LDLRAD4: variants seen among roughly 807,000 people sequenced by gnomAD.
LDLRAD4 encodes the protein low density lipoprotein receptor class A domain containing 4.
In LDLRAD4, 5 loss-of-function variants were observed where a neutral mutation model predicts 17.0. The observed-to-expected ratio is 0.29, with a 90% CI of 0.15 to 0.62. The LOEUF (loss-of-function observed/expected upper bound fraction) is 0.62. Ranked by LOEUF, LDLRAD4 falls within the 20% of genes least tolerant of loss-of-function variation. The pLI is 0.84. For synonymous variants in LDLRAD4, 168 were observed against 171.8 expected (o/e 0.98, Z 0.17); for missense variants, 340 against 424.7 (o/e 0.80, Z 1.75).
intron 1 of LDLRAD4, among the ~76,000 whole-genome samples, chr18:13,235,537 A>C (rs2042292290): frequency 6.6e-6 from 1 of 152,236 alleles, no homozygotes; most frequent in Non-Finnish European, 1.5e-5. Context: ...CCTTGGATTT[A>C]AAATCCACAA....
At chr18:13,277,406 G>A (rs577459233), upstream of LDLRAD4, among the ~76,000 whole-genome samples, 1 of 152,214 alleles carries the variant, frequency 6.6e-6, no homozygotes, top group Admixed American at 6.5e-5. Flanking sequence ...GATACCCGGC[G>A]CTCCACCTGG....
intron 3 of LDLRAD4, among the ~76,000 whole-genome samples, chr18:13,527,587 C>T (rs1009216182): frequency 1.3e-5 from 2 of 152,238 alleles, no homozygotes; most frequent in African/African-American, 4.8e-5. Context: ...TCTGGCTTCT[C>T]ACCTTGTTCT....
chr18:13,304,101 T>G (rs2046769997), intron 1 of LDLRAD4, among the ~76,000 whole-genome samples: 1 of 152,216 alleles, frequency 6.6e-6, no homozygotes, highest in Admixed American at 6.5e-5. Flanking sequence ...GAGGCAGCCC[T>G]GCTGCTGCAG....
At chr18:13,467,308 A>G (rs1027991311) in intron 3 of LDLRAD4, among the ~76,000 whole-genome samples, 9 of 152,366 alleles carry the variant, frequency 5.9e-5, no homozygotes, top group Non-Finnish European at 8.8e-5. Flanking sequence ...ATTGCTGGGA[A>G]CAACATCAAC....
chr18:13,305,525 A>C (rs1483927741), intron 1 of LDLRAD4, among the ~76,000 whole-genome samples: 2 of 152,210 alleles, frequency 1.3e-5, no homozygotes, highest in Admixed American at 6.5e-5. Context: ...TTTTCACTGT[A>C]TTTCCTGCAA....
chr18:13,620,095 A>C (rs2040474487), intron 3 of LDLRAD4, among the ~76,000 whole-genome samples: 1 of 151,980 alleles, frequency 6.6e-6, no homozygotes, highest in Non-Finnish European at 1.5e-5. Flanking sequence ...GCAGACGCAC[A>C]CAGTCGTAGC....
chr18:13,444,067 A>G (rs942177853), intron 3 of LDLRAD4, among the ~76,000 whole-genome samples: 1 of 152,210 alleles, frequency 6.6e-6, no homozygotes, highest in Non-Finnish European at 1.5e-5. Flanking sequence ...ATAAAGAGAA[A>G]TTCCCCATCA....
intron 3 of LDLRAD4, among the ~76,000 whole-genome samples, chr18:13,534,149 G>A (rs17684779): frequency 0.1 from 15,707 of 152,176 alleles, 1,047 homozygotes; most frequent in Middle Eastern, 0.19. Flanking sequence ...GGTTTCATAG[G>A]CGATTGGTTC....
chr18:13,556,116 G>GT (rs2094480909), intron 3 of LDLRAD4, among the ~76,000 whole-genome samples: 2 of 152,168 alleles, frequency 1.3e-5, no homozygotes, highest in African/African-American at 4.8e-5. Context: ...CAGCTTCAGT[G>GT]TATGTTATTT....
intron 1 of LDLRAD4, among the ~76,000 whole-genome samples, chr18:13,363,631 T>G (rs1235902618): frequency 2.0e-5 from 3 of 152,238 alleles, no homozygotes; most frequent in African/African-American, 7.2e-5. Context: ...CTTATGACCT[T>G]GGCTTTCAGG....
At chr18:13,474,370 C>T in intron 3 of LDLRAD4, among the ~76,000 whole-genome samples, 1 of 145,572 alleles carries the variant, frequency 6.9e-6, no homozygotes, top group African/African-American at 2.4e-5. Context: ...CCTGCAAAAA[C>T]CCTGAGTCAG....
intron 4 of LDLRAD4, among the ~76,000 whole-genome samples, chr18:13,636,193 A>G (rs1208791460): frequency 1.3e-5 from 2 of 152,036 alleles, no homozygotes; most frequent in African/African-American, 4.8e-5. Flanking sequence ...CCCTCAGGGG[A>G]TTGGTTCTAG....
intron 1 of LDLRAD4, among the ~76,000 whole-genome samples, chr18:13,358,947 G>A (rs1272441529): frequency 1.3e-5 from 2 of 152,188 alleles, no homozygotes; most frequent in African/African-American, 4.8e-5. Flanking sequence ...AAAGAACTAT[G>A]GATGGAGAAA....
intron 3 of LDLRAD4, among the ~76,000 whole-genome samples, chr18:13,495,178 A>G (rs2093442180): frequency 6.6e-6 from 1 of 152,168 alleles, no homozygotes; most frequent in African/African-American, 2.4e-5. Context: ...TCCAGTGTAC[A>G]CCAGTAAATC....
At chr18:13,589,520 G>A (rs2094981516) in intron 3 of LDLRAD4, among the ~76,000 whole-genome samples, 1 of 152,186 alleles carries the variant, frequency 6.6e-6, no homozygotes, top group South Asian at 2.1e-4. Flanking sequence ...AGCCTTGCTG[G>A]TGTGTTCCTG....
chr18:13,511,480 C>G (rs746078149), intron 3 of LDLRAD4, among the ~76,000 whole-genome samples: 33 of 152,166 alleles, frequency 2.2e-4, no homozygotes, highest in Non-Finnish European at 4.3e-4. Flanking sequence ...CCACTGCACT[C>G]CAGCCTGGGT....
chr18:13,376,194 T>C (rs1265499409), intron 1 of LDLRAD4, among the ~76,000 whole-genome samples: 1 of 152,182 alleles, frequency 6.6e-6, no homozygotes, highest in Non-Finnish European at 1.5e-5. Context: ...AGAAATGTGC[T>C]TAGGTCTCCA....
rs964970927 is a variant in LDLRAD4 at position 13,387,569 on chromosome 18, G to C, written c.-154G>C. 54 of 690,312 alleles carry C rather than the reference G, an allele frequency of 7.8e-5. No individual in the cohort carries two copies. In the East Asian group the frequency reaches 1.4e-3, roughly 18 times the overall value. The allele number at this position is 690,312 out of a possible 1,614,324, so 42.8% of individuals were successfully genotyped here. A position where few individuals can be genotyped will look rare whatever the true frequency, so the allele number is the denominator to read the frequency against. The stretch of plus-strand genomic sequence containing the variant: ...ACCCAGGTACCGCCCGCCCGCGCGA[G>C]AGCCGGGCAGGTGGGCCGCGGATGC... On this transcript the variant is annotated 5_prime_UTR_variant, in exon 2 of 6. Coordinates refer to ENST00000359446, the Ensembl canonical transcript of LDLRAD4.
chr18:13,501,259 A>C (rs2093609674), intron 3 of LDLRAD4: 1 of 120,448 alleles, frequency 8.3e-6, no homozygotes, highest in Admixed American at 9.7e-5. Flanking sequence ...GAGCATAATA[A>C]CAATAATAAA....
Sources: allele counts gnomAD v4.1 joint callset (sites outside exome capture counted in the v4.1 genomes callset), GRCh38; gene constraint gnomAD v4.1.1; transcripts MANE v1.5; gene names NCBI Gene and HGNC (gene_info 2026-07-23, HGNC 2026-07-21).